Variants in CYYR1 observed in about 807,000 individuals in gnomAD.
The protein encoded by CYYR1 is cysteine and tyrosine rich 1.
A neutral mutation model predicts 15.2 loss-of-function variants in CYYR1; 14 were observed. That is an observed-to-expected ratio of 0.92 (90% CI 0.61 to 1.44). The LOEUF (loss-of-function observed/expected upper bound fraction) is 1.44. Ranked by LOEUF, CYYR1 falls within the 40% of genes most tolerant of loss-of-function variation. CYYR1 has a pLI of 0.00. For missense variants in CYYR1, 228 were observed against 209.5 expected (o/e 1.09, Z -0.54); for synonymous variants, 80 against 77.4 (o/e 1.03, Z -0.18).
At chr21:26,555,362 T>A (rs1043327367) in intron 2 of CYYR1, among the ~76,000 whole-genome samples, 3 of 152,262 alleles carry the variant, frequency 2.0e-5, no homozygotes, top group Non-Finnish European at 2.9e-5. Flanking sequence ...TTAAAAAAAA[T>A]GTTGTATCCA....
chr21:26,526,736 A>T (rs1247007525), intron 2 of CYYR1, among the ~76,000 whole-genome samples: 1 of 152,246 alleles, frequency 6.6e-6, no homozygotes, highest in East Asian at 1.9e-4. Flanking sequence ...ATCTTAGGTC[A>T]ACCAGGTATT....
intron 2 of CYYR1, among the ~76,000 whole-genome samples, chr21:26,499,010 T>C (rs892400617): frequency 6.6e-6 from 1 of 152,164 alleles, no homozygotes; most frequent in Admixed American, 6.5e-5. Flanking sequence ...CCATATCAGC[T>C]GTGTTTCAAA....
At chr21:26,549,938 C>T (rs574756116) in intron 2 of CYYR1, among the ~76,000 whole-genome samples, 1 of 152,074 alleles carries the variant, frequency 6.6e-6, no homozygotes, top group Non-Finnish European at 1.5e-5. Flanking sequence ...ACAGGCATAC[C>T]TCATTTTATT....
chr21:26,545,742 G>T (rs1052690194), intron 2 of CYYR1, among the ~76,000 whole-genome samples: 4 of 151,676 alleles, frequency 2.6e-5, no homozygotes, highest in Non-Finnish European at 5.9e-5. Flanking sequence ...ACCACGCCCG[G>T]CTAATTTTTT....
rs533843703 is a variant in CYYR1 at position 26,491,012 on chromosome 21, T to C, written c.177-10583A>G. Among the ~76,000 whole-genome samples the C allele has an allele frequency of 1.1e-4, 16 of 152,180 alleles. No individual in the cohort carries two copies. In the South Asian group the frequency reaches 3.3e-3, roughly 32 times the overall value. ...CGGGGGAGTGAGTGAAAGGCAAGAGTGTAGAATGCTTTCCCTATGGGTGAT... is the reference window on the plus strand; with the variant it reads ...CGGGGGAGTGAGTGAAAGGCAAGAGCGTAGAATGCTTTCCCTATGGGTGAT... On this transcript the variant is annotated intron_variant, in intron 2 of 3. Coordinates refer to ENST00000652641, the MANE Select transcript of CYYR1 (RefSeq NM_001320768.2).
At chr21:26,475,254 CAGA>C (rs1384298023) in intron 3 of CYYR1, among the ~76,000 whole-genome samples, 3 of 152,074 alleles carry the variant, frequency 2.0e-5, no homozygotes. Context: ...TCACTCTCAG[CAGA>C]AGACTTGCTT....
chr21:26,560,299 T>C (rs1379497554), intron 2 of CYYR1, among the ~76,000 whole-genome samples: 1 of 152,234 alleles, frequency 6.6e-6, no homozygotes, highest in Admixed American at 6.5e-5. Context: ...ACTGATCTTA[T>C]ATCCTGCAAT....
chr21:26,569,435 T>C (rs1980868050), intron 1 of CYYR1, among the ~76,000 whole-genome samples: 1 of 152,094 alleles, frequency 6.6e-6, no homozygotes, highest in Non-Finnish European at 1.5e-5. Context: ...TGGGGACTTC[T>C]AGAGCAGGGA....
At chr21:26,539,853 A>G (rs1978423181) in intron 2 of CYYR1, among the ~76,000 whole-genome samples, 1 of 152,164 alleles carries the variant, frequency 6.6e-6, no homozygotes, top group Admixed American at 6.6e-5. Flanking sequence ...CATTCAACCT[A>G]TGTTATTTAA....
rs528382974 is a variant in CYYR1 at position 26,512,391 on chromosome 21, C to T, written c.177-31962G>A. On this transcript the variant is annotated intron_variant, in intron 2 of 3. Transcript: ENST00000652641. Reference sequence around the variant, plus strand: ...TTTTTTTTTGTATTTTTAGTAGAAACGGGGTTCCACTATGTTGGCCTGGCT... The same window carrying T: ...TTTTTTTTTGTATTTTTAGTAGAAATGGGGTTCCACTATGTTGGCCTGGCT... Among the ~76,000 whole-genome samples the T allele has an allele frequency of 1.1e-4, 16 of 151,990 alleles. No homozygotes were observed. In the South Asian group the frequency reaches 2.5e-3, roughly 24 times the overall value.
At chr21:26,485,067 T>C (rs219617) in intron 2 of CYYR1, among the ~76,000 whole-genome samples, 129,306 of 152,060 alleles carry the variant, frequency 0.85, 55,906 homozygotes, top group Non-Finnish European at 0.91. Flanking sequence ...CAGTCAACTG[T>C]TGGAAAGTGA....
At chr21:26,536,065 A>G (rs972551071) in intron 2 of CYYR1, among the ~76,000 whole-genome samples, 1 of 152,156 alleles carries the variant, frequency 6.6e-6, no homozygotes, top group African/African-American at 2.4e-5. Flanking sequence ...TGAAAGGTGA[A>G]GGGGAAGCAA....
chr21:26,503,853 A>G lies in CYYR1; in HGVS notation c.177-23424T>C, dbSNP rs115405744. Among the ~76,000 whole-genome samples, 1,143 of 152,358 alleles carry G rather than the reference A, an allele frequency of 7.5e-3. 18 individuals carry two copies. The highest frequency in any genetic ancestry group is 0.025 in the African/African-American group (1,039 of 41,570). The stretch of plus-strand genomic sequence containing the variant: ...CCATACAAAAGAGAGATGGGACAAA[A>G]AATAAAATCTGCATTTTCTTCATGG... On this transcript the variant is annotated intron_variant, in intron 2 of 3. Transcript: ENST00000652641.
At chr21:26,552,317 A>G (rs757550332) in intron 2 of CYYR1, among the ~76,000 whole-genome samples, 4 of 152,110 alleles carry the variant, frequency 2.6e-5, no homozygotes, top group Non-Finnish European at 5.9e-5. Flanking sequence ...CAGCCACTCC[A>G]GCTTTCTTTT....
chr21:26,469,894 G>T (rs577800515), intron 3 of CYYR1, among the ~76,000 whole-genome samples: 1 of 152,182 alleles, frequency 6.6e-6, no homozygotes, highest in South Asian at 2.1e-4. Flanking sequence ...TGTTGAAAAA[G>T]AAGTACTCCT....
intron 2 of CYYR1, chr21:26,564,899 G>A (rs190196147): frequency 1.2e-5 from 10 of 855,464 alleles, no homozygotes; most frequent in African/African-American, 8.8e-5. Context: ...TTTAAATACT[G>A]CGAAGTAATA....
intron 2 of CYYR1, among the ~76,000 whole-genome samples, chr21:26,545,517 C>T (rs8134193): frequency 0.044 from 6,453 of 145,840 alleles, 186 homozygotes; most frequent in South Asian, 0.06. Context: ...TACAGGCTTA[C>T]GGTTGGACTG....
intron 1 of CYYR1, 25 bp downstream of exon 1, chr21:26,572,843 C>T: frequency 6.2e-7 from 1 of 1,612,498 alleles, no homozygotes; most frequent in Non-Finnish European, 8.5e-7. Context: ...GCCTCTGACC[C>T]TCTCCGCCGC....
chr21:26,550,098 A>G (rs1979276023), intron 2 of CYYR1, among the ~76,000 whole-genome samples: 1 of 152,168 alleles, frequency 6.6e-6, no homozygotes, highest in Non-Finnish European at 1.5e-5. Flanking sequence ...AATTTTCACA[A>G]TATGTCAAAC....
Sources: gnomAD v4.1 joint callset for allele counts (sites outside exome capture counted in the v4.1 genomes callset) on GRCh38, gnomAD v4.1.1 for gene constraint, MANE v1.5 for transcripts, NCBI Gene and HGNC (gene_info 2026-07-23, HGNC 2026-07-21) for gene names.